ECI2: variants seen among roughly 807,000 people sequenced by gnomAD.
The protein encoded by ECI2 is enoyl-CoA delta isomerase 2.
ECI2 carries 27 observed loss-of-function variants against 38.4 expected under a neutral mutation model. The observed-to-expected ratio is 0.70, with a 90% CI of 0.52 to 0.97. The LOEUF (loss-of-function observed/expected upper bound fraction) is 0.97, where lower values mean the gene tolerates loss of function less well. ECI2 is among the 50% of genes least tolerant of loss of function. The probability of loss-of-function intolerance (pLI) is 0.00; values close to 1 mark genes in which losing one functional copy is unlikely to be tolerated. For synonymous variants in ECI2, 168 were observed against 172.0 expected (o/e 0.98, Z 0.18); for missense variants, 470 against 474.4 (o/e 0.99, Z 0.09).
chr6:4,125,215 T>C (rs1232407515), intron 7 of ECI2, 35 bp downstream of exon 7: 5 of 1,610,880 alleles, frequency 3.1e-6, no homozygotes, highest in Non-Finnish European at 3.4e-6. Context: ...CTCGCGCTGC[T>C]TGCCTGACCT....
intron 1 of ECI2, among the ~76,000 whole-genome samples, chr6:4,134,094 C>T (rs911680819): frequency 6.6e-6 from 1 of 152,196 alleles, no homozygotes; most frequent in South Asian, 2.1e-4. Flanking sequence ...TGAAGTGTCC[C>T]AAAGTCCTGA....
Position 4,119,235 on chromosome 6 carries a change from G to T in ECI2, c.836C>A (p.Pro279Gln). ...AAAAGTGTAAGAGGAGCATCCTTCC[G>T]GACTTTGGCCTAGGTGACTAAATGG... Reference protein sequence around the residue: ...HTPFSHLGQSPEGCSSYTFPK... With the variant: ...HTPFSHLGQSQEGCSSYTFPK... Residue 279 changes from proline to glutamine, a missense_variant, in exon 8 of 10, where the codon CCG becomes CAG. Coordinates refer to ENST00000380118, the MANE Select transcript of ECI2 (RefSeq NM_206836.3). 6.2e-7 allele frequency: 1 copy of T among 1,613,702 alleles called. No homozygotes were observed. The highest frequency in any genetic ancestry group is 2.2e-5 in the East Asian group (1 of 44,858).
At chr6:4,123,806 A>C (rs1772966923) in intron 7 of ECI2, among the ~76,000 whole-genome samples, 1 of 151,838 alleles carries the variant, frequency 6.6e-6, no homozygotes, top group South Asian at 2.1e-4. Context: ...GTCTCTACTA[A>C]AAATACAAAA....
intron 4 of ECI2, among the ~76,000 whole-genome samples, chr6:4,128,414 A>G (rs921719147): frequency 1.3e-5 from 2 of 152,196 alleles, no homozygotes; most frequent in Non-Finnish European, 2.9e-5. Context: ...ACATTTCTGA[A>G]AATCTTGGAC....
chr6:4,130,080 T>C, intron 4 of ECI2: 2 of 1,604,052 alleles, frequency 1.2e-6, no homozygotes, highest in Non-Finnish European at 1.7e-6. Context: ...ATGGCTTCTA[T>C]GCAAATTCTC....
At chr6:4,124,928 G>C in intron 7 of ECI2, 1 of 454,730 alleles carries the variant, frequency 2.2e-6, no homozygotes, top group Admixed American at 2.4e-5. Context: ...CTGCAAAGAT[G>C]CTATTCCTCC....
chr6:4,122,441 G>A (rs1482617078), intron 7 of ECI2, among the ~76,000 whole-genome samples: 2 of 152,006 alleles, frequency 1.3e-5, no homozygotes, highest in African/African-American at 2.4e-5. Flanking sequence ...GGCTGGTCTC[G>A]AATTCCTGAC....
chr6:4,124,865 A>C, intron 7 of ECI2: 1 of 324,452 alleles, frequency 3.1e-6, no homozygotes, highest in Non-Finnish European at 6.4e-6. Flanking sequence ...TCTCCTTCTA[A>C]AATTCTAAAT....
chr6:4,131,800 T>C (rs1209955965), intron 2 of ECI2, among the ~76,000 whole-genome samples: 1 of 151,972 alleles, frequency 6.6e-6, no homozygotes, highest in East Asian at 1.9e-4. Context: ...GAGGTTGCAG[T>C]GAGCTGAGAT....
At chr6:4,120,040 C>T (rs991140761) in intron 7 of ECI2, among the ~76,000 whole-genome samples, 1 of 152,104 alleles carries the variant, frequency 6.6e-6, no homozygotes, top group African/African-American at 2.4e-5. Flanking sequence ...TGTATGGATG[C>T]ACAATAATAT....
chr6:4,133,821 A>ATTT, intron 1 of ECI2, 110 bp from the exon 2 acceptor site: 1 of 1,325,762 alleles, frequency 7.5e-7, no homozygotes, highest in Non-Finnish European at 9.9e-7. Flanking sequence ...TTGTCTATAG[A>ATTT]TATTTTCTTT....
chr6:4,133,524 A>G, intron 2 of ECI2, 25 bp downstream of exon 2: 1 of 1,573,444 alleles, frequency 6.4e-7, no homozygotes. Flanking sequence ...AATTCTTTAA[A>G]TAACGTTCGA....
chr6:4,117,422 C>T lies in ECI2; in HGVS notation c.915G>A (p.Lys305=). 1 of 1,613,478 alleles carries T rather than the reference C, an allele frequency of 6.2e-7. No individual in the cohort carries two copies. Among genetic ancestry groups the T allele is most frequent in the Non-Finnish European group, 8.5e-7 (1 of 1,179,878 alleles). ...KATEMLIFGK[K]LTAGEACAQG... ...GAGCACATGCCTCTCCCGCTGTTAA[C>T]TTCTTTCCAAAAATAAGCATCTCTG... Residue 305 remains lysine, a synonymous_variant, in exon 9 of 10, where the codon AAG becomes AAA. Transcript: ENST00000380118.
At chr6:4,119,747 A>T (rs1473914869) in intron 7 of ECI2, among the ~76,000 whole-genome samples, 1 of 152,196 alleles carries the variant, frequency 6.6e-6, no homozygotes, top group Non-Finnish European at 1.5e-5. Context: ...GTATAGTTGG[A>T]TGAGTTTGAA....
Position 4,119,066 on chromosome 6 carries a change from AT to A in ECI2, c.885+119del. On this transcript the variant is annotated intron_variant, in intron 8 of 9. Transcript: ENST00000380118. The stretch of plus-strand genomic sequence containing the variant: ...AAACTCTTAAAGAGTTGAAAAGCAA[AT>A]CATTAGCTTCTCTTTTGTCCATATT... 3 of 815,568 alleles carry A rather than the reference AT, an allele frequency of 3.7e-6. No homozygotes were observed. In the South Asian group the frequency reaches 6.0e-5, roughly 16 times the overall value. 50.5% of individuals were successfully genotyped at this position (815,568 alleles called of 1,614,324 possible). A position where few individuals can be genotyped will look rare whatever the true frequency, so the allele number is the denominator to read the frequency against.
chr6:4,115,745 A>C lies in ECI2; in HGVS notation c.*129T>G. The C allele has an allele frequency of 7.4e-7, 1 of 1,353,268 alleles. No individual in the cohort carries two copies. The highest frequency in any genetic ancestry group is 1.0e-6 in the Non-Finnish European group (1 of 983,146). 83.8% of individuals were successfully genotyped at this position (1,353,268 alleles called of 1,614,324 possible). A position where few individuals can be genotyped will look rare whatever the true frequency, so the allele number is the denominator to read the frequency against. ...TTTTTATTCATCAGAGCTGTAGTGA[A>C]ATATCATCATTGTAATTGATATTCT... On this transcript the variant is annotated 3_prime_UTR_variant, in exon 10 of 10. Coordinates refer to ENST00000380118, the MANE Select transcript of ECI2 (RefSeq NM_206836.3).
intron 1 of ECI2, 95 bp from the exon 2 acceptor site, chr6:4,133,806 C>A: frequency 7.2e-7 from 1 of 1,384,880 alleles, no homozygotes; most frequent in South Asian, 1.7e-5. Flanking sequence ...AACAAAATGC[C>A]ATGTTTGTCT....
Position 4,115,976 on chromosome 6 carries a change from G to A in ECI2, c.1083C>T (p.His361=), listed in dbSNP as rs561944306. ...VIRKREREKL[H]AVNAEECNVL... ...CATTGCATTCTTCAGCATTAACAGC[G>A]TGTAGTTTTTCTCTCTCTCTTTTCC... The change falls in exon 10 of 10, where the codon CAC becomes CAT. Residue 361 remains histidine (H), a synonymous_variant. Coordinates refer to ENST00000380118, the MANE Select transcript of ECI2 (RefSeq NM_206836.3). 3.7e-5 allele frequency: 60 copies of A among 1,613,968 alleles called. 1 individual carries two copies. In the Middle Eastern group the frequency reaches 6.6e-4, roughly 18 times the overall value.
chr6:4,133,892 C>T (rs2113031695), intron 1 of ECI2, 181 bp from the exon 2 acceptor site: 1 of 619,768 alleles, frequency 1.6e-6, no homozygotes, highest in Admixed American at 3.9e-5. Flanking sequence ...GATAATAAGT[C>T]AATACAGAAG....
Sources: gnomAD v4.1 joint callset for allele counts (sites outside exome capture counted in the v4.1 genomes callset) on GRCh38, gnomAD v4.1.1 for gene constraint, MANE v1.5 for transcripts, NCBI Gene and HGNC (gene_info 2026-07-23, HGNC 2026-07-21) for gene names.